SPNS2: variants seen among roughly 807,000 people sequenced by gnomAD.
SPNS2 encodes sphingosine-1-phosphate transporter SPNS2.
Under a neutral mutation model 57.6 loss-of-function variants are expected in SPNS2, and 37 were observed. That is an observed-to-expected ratio of 0.64 (90% confidence interval 0.49 to 0.85). The LOEUF (loss-of-function observed/expected upper bound fraction) is 0.85, where lower values mean the gene tolerates loss of function less well. SPNS2 is among the 40% of genes least tolerant of loss of function. The pLI is 0.00. For synonymous variants in SPNS2, 440 were observed against 346.9 expected (o/e 1.27, Z -2.98); for missense variants, 831 against 779.1 (o/e 1.07, Z -0.79).
At chr17:4,536,053 T>G in intron 9 of SPNS2, 23 bp from the exon 10 acceptor site, 1 of 1,603,218 alleles carries the variant, frequency 6.2e-7, no homozygotes, top group South Asian at 1.1e-5. Flanking sequence ...CTCTGGCCGC[T>G]GACCTGCCCG....
At chr17:4,518,068 C>T (rs1344256335) in intron 2 of SPNS2, among the ~76,000 whole-genome samples, 1 of 152,190 alleles carries the variant, frequency 6.6e-6, no homozygotes, top group South Asian at 2.1e-4. Flanking sequence ...GCCTGTGGCC[C>T]ATTGGCCATG....
intron 9 of SPNS2, among the ~76,000 whole-genome samples, chr17:4,534,934 C>G (rs1307496745): frequency 6.6e-6 from 1 of 152,146 alleles, no homozygotes; most frequent in African/African-American, 2.4e-5. Flanking sequence ...AAATCGCGTC[C>G]CGGTTTATTA....
At position 4,536,302 on chromosome 17, in the gene SPNS2, C is replaced by T. The variant is rs1181550719; in HGVS notation, c.1483C>T (p.Leu495Phe). 10 of 1,612,582 alleles carry T rather than the reference C, an allele frequency of 6.2e-6. No homozygotes were observed. In the Admixed American group the frequency reaches 1.5e-4, roughly 24 times the overall value. ...CCGCCAGAGCACTAAGGACTCCCCG[C>T]TCTGGGAGTTCCTGAGCCTGGGCTA... ...LIRQSTKDSPLWEFLSLGYAL... is the reference protein window; with the variant it reads ...LIRQSTKDSPFWEFLSLGYAL... The change falls in exon 11 of 13, where the codon CTC (leucine) becomes TTC (phenylalanine). Residue 495 changes from leucine (L) to phenylalanine (F), a missense_variant. This residue lies in a region of SPNS2 where 526 missense variants were observed against 400.9 expected (regional missense o/e 1.31). Coordinates refer to ENST00000329078, the MANE Select transcript of SPNS2 (RefSeq NM_001124758.3).
chr17:4,536,147 C>T lies in SPNS2; in HGVS notation c.1416C>T (p.Asp472=), dbSNP rs760231362. Residue 472 remains aspartate (D), a synonymous_variant, in exon 10 of 13, where the codon GAC becomes GAT. Coordinates refer to ENST00000329078, the MANE Select transcript of SPNS2 (RefSeq NM_001124758.3). Reference sequence around the variant, plus strand: ...GCTTCACCTCCCACCTGCTGGGGGACGCCGGGAGCCCCTACCTCATTGGCT... The same window carrying T: ...GCTTCACCTCCCACCTGCTGGGGGATGCCGGGAGCCCCTACCTCATTGGCT... ...LQSFTSHLLG[D]AGSPYLIGFI... is the part of the protein sequence containing the mutation. 121 of 1,612,376 alleles carry T rather than the reference C, an allele frequency of 7.5e-5. No individual in the cohort carries two copies. Among genetic ancestry groups the T allele is most frequent in the East Asian group, 1.8e-4 (8 of 44,862 alleles).
chr17:4,538,120 T>C lies in SPNS2; in HGVS notation c.*672T>C. The C allele has an allele frequency of 3.2e-6, 1 of 311,706 alleles. No homozygotes were observed. Among genetic ancestry groups the C allele is most frequent in the Non-Finnish European group, 6.4e-6 (1 of 157,294 alleles). The allele number at this position is 311,706 out of a possible 1,614,324, so 19.3% of individuals were successfully genotyped here. A position where few individuals can be genotyped will look rare whatever the true frequency, so the allele number is the denominator to read the frequency against. On this transcript the variant is annotated 3_prime_UTR_variant, in exon 13 of 13. Coordinates refer to ENST00000329078, the MANE Select transcript of SPNS2 (RefSeq NM_001124758.3). Reference sequence around the variant, plus strand: ...TGGAGGTCCCAGATGGGGACTGTTCTGACAAGCTGGCATCACCAGGGGTGA... The same window carrying C: ...TGGAGGTCCCAGATGGGGACTGTTCCGACAAGCTGGCATCACCAGGGGTGA...
intron 2 of SPNS2, among the ~76,000 whole-genome samples, chr17:4,520,023 A>C (rs1162990963): frequency 6.6e-6 from 1 of 152,106 alleles, no homozygotes. Flanking sequence ...CTCCCTCCTG[A>C]CCCTGGACTG....
intron 1 of SPNS2, among the ~76,000 whole-genome samples, chr17:4,504,708 GC>G (rs2144305158): frequency 6.6e-6 from 1 of 152,250 alleles, no homozygotes; most frequent in East Asian, 1.9e-4. Context: ...GAGAACACTG[GC>G]CCGATCCCTA....
chr17:4,523,690 G>A (rs538634800), intron 2 of SPNS2, among the ~76,000 whole-genome samples: 7 of 152,260 alleles, frequency 4.6e-5, no homozygotes, highest in Admixed American at 1.3e-4. Context: ...TGCAGTGAGC[G>A]GAGATTGCAC....
intron 9 of SPNS2, among the ~76,000 whole-genome samples, chr17:4,535,451 G>C (rs1407725447): frequency 6.6e-6 from 1 of 152,166 alleles, no homozygotes; most frequent in East Asian, 1.9e-4. Flanking sequence ...GGGGGTTCAG[G>C]TTCCCTCGGG....
At chr17:4,524,632 C>T (rs992890004) in intron 2 of SPNS2, among the ~76,000 whole-genome samples, 4 of 152,092 alleles carry the variant, frequency 2.6e-5, no homozygotes, top group Non-Finnish European at 4.4e-5. Context: ...TGCAGTGAGC[C>T]GAGAGTGTGC....
Position 4,538,865 on chromosome 17 carries a change from A to G in SPNS2, c.*1417A>G. 1 of 780,668 alleles carries G rather than the reference A, an allele frequency of 1.3e-6. No individual in the cohort carries two copies. The highest frequency in any genetic ancestry group is 2.4e-6 in the Non-Finnish European group (1 of 417,936). 48.4% of individuals were successfully genotyped at this position (780,668 alleles called of 1,614,324 possible). A position where few individuals can be genotyped will look rare whatever the true frequency, so the allele number is the denominator to read the frequency against. On this transcript the variant is annotated 3_prime_UTR_variant, in exon 13 of 13. Transcript: ENST00000329078. Reference sequence around the variant, plus strand: ...CCCACTCCAGCCTCAGCGGGGCCCCAGCGATGTTTTCTTGTTGTACAAGAA... The same window carrying G: ...CCCACTCCAGCCTCAGCGGGGCCCCGGCGATGTTTTCTTGTTGTACAAGAA...
intron 1 of SPNS2, among the ~76,000 whole-genome samples, chr17:4,501,738 C>A (rs779596395): frequency 7.9e-5 from 12 of 152,294 alleles, no homozygotes; most frequent in Non-Finnish European, 1.5e-4. Context: ...CAGGGGAGTG[C>A]TCATCCCAGG....
chr17:4,501,177 G>C (rs1203389831), intron 1 of SPNS2, among the ~76,000 whole-genome samples: 1 of 152,178 alleles, frequency 6.6e-6, no homozygotes, highest in African/African-American at 2.4e-5. Context: ...GGCTCTGCCT[G>C]GGAGGAGGTC....
rs546763025 is a variant in SPNS2, at chr17:4,538,638, G to GGGGTA, written c.*1193_*1194insTAGGG. ...GGTGGTTCTGGTGCGGGGGTGGGGT[G>GGGGTA]GGGGGTGAGGCCTTGTGGCCAATGG... On this transcript the variant is annotated 3_prime_UTR_variant, in exon 13 of 13. Transcript: ENST00000329078. 1,430 of 499,094 alleles carry GGGGTA rather than the reference G, an allele frequency of 2.9e-3. 19 individuals are homozygous for GGGGTA. The highest frequency in any genetic ancestry group is 0.025 in the African/African-American group (1,266 of 51,598). The allele number at this position is 499,094 out of a possible 1,614,324, so 30.9% of individuals were successfully genotyped here. A position where few individuals can be genotyped will look rare whatever the true frequency, so the allele number is the denominator to read the frequency against.
At chr17:4,516,316 C>CAAAAAAAAAAAAAAAAAAAAAAAA (rs67710825) in intron 2 of SPNS2, among the ~76,000 whole-genome samples, 2 of 67,508 alleles carry the variant, frequency 3.0e-5, no homozygotes, top group African/African-American at 1.5e-4. Context: ...TCTATCTCCC[C>CAAAAAAAAAAAAAAAAAAAAAAAA]AAAAAAAAAA....
Position 4,516,413 on chromosome 17 carries a change from C to A in SPNS2, c.436+3101C>A, listed in dbSNP as rs1904997642. On this transcript the variant is annotated intron_variant, in intron 2 of 12. Coordinates refer to ENST00000329078, the MANE Select transcript of SPNS2 (RefSeq NM_001124758.3). ...CCCCCATGGCCTACACCTAGAGAAG[C>A]AGCTGCCACTGAACCTACTGCCTGG... Among the ~76,000 whole-genome samples, 4 of 151,884 alleles carry A rather than the reference C, an allele frequency of 2.6e-5. No individual in the cohort carries two copies. The South Asian group carries it at 8.3e-4, about 31-fold the overall frequency.
chr17:4,537,344 TC>T, intron 12 of SPNS2, 108 bp from the exon 13 acceptor site: 1 of 402,622 alleles, frequency 2.5e-6, no homozygotes, highest in Admixed American at 3.2e-5. Flanking sequence ...CAGCTGCAGG[TC>T]CAGGAGAAGG....
chr17:4,533,703 C>A, intron 8 of SPNS2, 85 bp from the exon 9 acceptor site: 1 of 1,489,458 alleles, frequency 6.7e-7, no homozygotes, highest in Non-Finnish European at 9.3e-7. Context: ...GGGCTCCCTG[C>A]CAGCAGCCAG....
intron 3 of SPNS2, among the ~76,000 whole-genome samples, chr17:4,528,808 C>T (rs912191031): frequency 2.6e-5 from 4 of 152,080 alleles, no homozygotes; most frequent in Non-Finnish European, 5.9e-5. Flanking sequence ...GGGTCTCGCT[C>T]TGTCACCTAG....
Sources: allele counts gnomAD v4.1 joint callset (sites outside exome capture counted in the v4.1 genomes callset), GRCh38; gene constraint gnomAD v4.1.1; regional missense constraint gnomAD v4.1.1; transcripts MANE v1.5; gene names NCBI Gene and HGNC (gene_info 2026-07-23, HGNC 2026-07-21).